DISP1: variants seen among roughly 807,000 people sequenced by gnomAD.
DISP1 encodes the protein dispatched RND transporter family member 1.
DISP1 carries 30 observed loss-of-function variants against 37.3 expected under a neutral mutation model. The ratio of observed to expected loss-of-function variants is 0.80; its 90% CI spans 0.60 to 1.09. DISP1 has a LOEUF of 1.09. DISP1 is among the 50% of genes least tolerant of loss of function. The pLI, the probability that DISP1 is intolerant of heterozygous loss-of-function variation, is 0.00. For synonymous variants in DISP1, 634 were observed against 690.2 expected (o/e 0.92, Z 1.28); for missense variants, 1,598 against 1,879.5 (o/e 0.85, Z 2.77).
intron 3 of DISP1, among the ~76,000 whole-genome samples, chr1:222,976,153 C>T (rs549115448): frequency 3.3e-5 from 5 of 151,990 alleles, no homozygotes; most frequent in South Asian, 2.1e-4. Flanking sequence ...TTTCTCTCTC[C>T]GAGGTTAGAT....
chr1:222,997,050 C>CTATA (rs72145593), intron 8 of DISP1, among the ~76,000 whole-genome samples: 18 of 148,532 alleles, frequency 1.2e-4, no homozygotes, highest in Non-Finnish European at 1.6e-4. Flanking sequence ...CTCTCTCTCT[C>CTATA]TATATATATA....
At chr1:222,872,814 A>G (rs1163229429) in intron 1 of DISP1, among the ~76,000 whole-genome samples, 1 of 152,122 alleles carries the variant, frequency 6.6e-6, no homozygotes, top group Non-Finnish European at 1.5e-5. Flanking sequence ...GCCTTCTGCT[A>G]GCTTTTGAAT....
intron 3 of DISP1, among the ~76,000 whole-genome samples, chr1:222,982,682 T>C (rs974806512): frequency 1.3e-5 from 2 of 152,168 alleles, no homozygotes; most frequent in African/African-American, 4.8e-5. Context: ...TTTTTTTAAG[T>C]GTTGGGATCT....
At chr1:222,989,587 T>A in intron 4 of DISP1, 1 of 983,114 alleles carries the variant, frequency 1.0e-6, no homozygotes, top group Non-Finnish European at 1.2e-6. Flanking sequence ...GATTTGGTAA[T>A]AGAGACAGTT....
chr1:222,955,179 T>A (rs2789936), intron 3 of DISP1, among the ~76,000 whole-genome samples: 1 of 151,708 alleles, frequency 6.6e-6, no homozygotes, highest in African/African-American at 2.4e-5. Context: ...CTCTGCCTCC[T>A]GAGTTCATGT....
At chr1:222,930,063 T>G (rs1396931177) in intron 2 of DISP1, among the ~76,000 whole-genome samples, 2 of 152,130 alleles carry the variant, frequency 1.3e-5, no homozygotes, top group Non-Finnish European at 2.9e-5. Context: ...CTGGGAAATA[T>G]GTATTATAAA....
At chr1:222,829,313 G>C (rs1000195139) in intron 1 of DISP1, among the ~76,000 whole-genome samples, 1 of 152,134 alleles carries the variant, frequency 6.6e-6, no homozygotes, top group Non-Finnish European at 1.5e-5. Flanking sequence ...TAAAATTAAG[G>C]CTGAAATTAC....
At chr1:222,889,507 C>T (rs942072356) in intron 1 of DISP1, among the ~76,000 whole-genome samples, 2 of 151,524 alleles carry the variant, frequency 1.3e-5, no homozygotes, top group Non-Finnish European at 2.9e-5. Context: ...TACAATTTTT[C>T]TTCCAAATGT....
intron 2 of DISP1, among the ~76,000 whole-genome samples, chr1:222,940,912 C>G (rs1455470708): frequency 6.6e-6 from 1 of 152,090 alleles, no homozygotes; most frequent in East Asian, 1.9e-4. Context: ...TGATTGTTTC[C>G]TACATTATCT....
At chr1:222,951,399 T>G (rs1303954553) in intron 3 of DISP1, among the ~76,000 whole-genome samples, 6 of 152,114 alleles carry the variant, frequency 3.9e-5, no homozygotes, top group African/African-American at 1.4e-4. Context: ...AGAATTCTCA[T>G]GTTATATTAA....
rs571372106 is a variant in DISP1, at chr1:222,898,435, G to T, written c.-158-29995G>T. Among the ~76,000 whole-genome samples, 18 of 151,950 alleles carry T rather than the reference G, an allele frequency of 1.2e-4. 1 individual carries two copies. The highest frequency in any genetic ancestry group is 3.9e-4 in the African/African-American group (16 of 41,446). ...GGAAAATTCTTAATTTGTAACTCTTGAAACTCTTCCTGCCAAAAATTTTTT... is the reference window on the plus strand; with the variant it reads ...GGAAAATTCTTAATTTGTAACTCTTTAAACTCTTCCTGCCAAAAATTTTTT... On this transcript the variant is annotated intron_variant, in intron 1 of 8. Coordinates refer to ENST00000675850, the MANE Select transcript of DISP1 (RefSeq NM_001377229.1).
chr1:222,992,097 C>T lies in DISP1; in HGVS notation c.876C>T (p.Phe292=), dbSNP rs1277086685. ...VDWNFHKDSF[F]CDVPSDRYSR... is the part of the protein sequence containing the mutation. ...GGAACTTCCACAAGGACAGCTTTTT[C>T]TGCGACGTTCCAAGTGAGTGACATT... is the stretch of plus-strand genomic sequence containing the variant. The change falls in exon 7 of 9, where the codon TTC becomes TTT. Residue 292 remains phenylalanine (F), a synonymous_variant. Transcript: ENST00000675850. 6.2e-7 allele frequency: 1 copy of T among 1,613,282 alleles called. No individual in the cohort carries two copies. The highest frequency in any genetic ancestry group is 1.1e-5 in the South Asian group (1 of 91,062).
chr1:222,988,863 G>A (rs1678476189), intron 4 of DISP1, among the ~76,000 whole-genome samples: 2 of 152,078 alleles, frequency 1.3e-5, no homozygotes, highest in African/African-American at 4.8e-5. Flanking sequence ...ATGTTGGCCA[G>A]GCTGGTCTCA....
intron 1 of DISP1, among the ~76,000 whole-genome samples, chr1:222,917,856 T>C (rs1196325349): frequency 1.3e-5 from 2 of 151,910 alleles, no homozygotes; most frequent in Non-Finnish European, 2.9e-5. Context: ...TGCTCTACAA[T>C]GTTGGTTCAA....
intron 1 of DISP1, among the ~76,000 whole-genome samples, chr1:222,906,135 C>T (rs1254413923): frequency 3.3e-5 from 5 of 152,078 alleles, no homozygotes; most frequent in African/African-American, 4.8e-5. Flanking sequence ...AAACCTGCCA[C>T]TTGAGAGGAA....
At chr1:222,894,361 G>A (rs1304544400) in intron 1 of DISP1, among the ~76,000 whole-genome samples, 1 of 152,192 alleles carries the variant, frequency 6.6e-6, no homozygotes, top group Non-Finnish European at 1.5e-5. Flanking sequence ...GGCCAATGCT[G>A]AGCCACCCTC....
At chr1:222,902,361 A>G (rs1671644124) in intron 1 of DISP1, among the ~76,000 whole-genome samples, 1 of 152,168 alleles carries the variant, frequency 6.6e-6, no homozygotes, top group Admixed American at 6.5e-5. Context: ...CTAGAAGAAA[A>G]CCTAGGTAAT....
At chr1:222,859,734 G>A (rs973374542) in intron 1 of DISP1, among the ~76,000 whole-genome samples, 2 of 152,184 alleles carry the variant, frequency 1.3e-5, no homozygotes, top group African/African-American at 2.4e-5. Context: ...AATACAATTA[G>A]AGGAAAACTA....
chr1:222,886,415 T>TA (rs976722691), intron 1 of DISP1, among the ~76,000 whole-genome samples: 3 of 152,308 alleles, frequency 2.0e-5, no homozygotes, highest in East Asian at 1.9e-4. Context: ...ACTATGTGCT[T>TA]AAAAATCACA....
Sources: gnomAD v4.1 joint callset for allele counts (sites outside exome capture counted in the v4.1 genomes callset) on GRCh38, gnomAD v4.1.1 for gene constraint, MANE v1.5 for transcripts, NCBI Gene and HGNC (gene_info 2026-07-23, HGNC 2026-07-21) for gene names.